UGT1A10: variants seen among roughly 807,000 people sequenced by gnomAD.
The protein encoded by UGT1A10 is UDP-glucuronosyltransferase 1A10.
In UGT1A10, 49 loss-of-function variants were observed where a neutral mutation model predicts 45.8. The ratio of observed to expected loss-of-function variants is 1.07; its 90% CI spans 0.85 to 1.36. The LOEUF (loss-of-function observed/expected upper bound fraction) is 1.36, where lower values mean the gene tolerates loss of function less well. Among genes scored for constraint, UGT1A10 ranks in the 40% most tolerant of loss-of-function variants. The probability of loss-of-function intolerance (pLI) is 0.00; values close to 1 mark genes in which losing one functional copy is unlikely to be tolerated. For synonymous variants in UGT1A10, 284 were observed against 249.7 expected (o/e 1.14, Z -1.29); for missense variants, 745 against 668.6 (o/e 1.11, Z -1.26).
At chr2:233,689,578 A>G (rs1275772555) in intron 1 of UGT1A10, among the ~76,000 whole-genome samples, 1 of 152,200 alleles carries the variant, frequency 6.6e-6, no homozygotes, top group African/African-American at 2.4e-5. Flanking sequence ...CTGATTTGCA[A>G]TTAGCTAAGG....
At chr2:233,650,507 T>C (rs1194454702) in intron 1 of UGT1A10, among the ~76,000 whole-genome samples, 1 of 152,222 alleles carries the variant, frequency 6.6e-6, no homozygotes, top group Admixed American at 6.5e-5. Flanking sequence ...TCCTTGCAAA[T>C]TGGTATGGAT....
intron 1 of UGT1A10, among the ~76,000 whole-genome samples, chr2:233,695,935 A>C (rs1408242527): frequency 6.6e-6 from 1 of 152,176 alleles, no homozygotes; most frequent in Non-Finnish European, 1.5e-5. Context: ...CAAGCAGGCA[A>C]TTCTGCCAGA....
chr2:233,690,681 C>T (rs533534130), intron 1 of UGT1A10: 1 of 1,259,556 alleles, frequency 7.9e-7, no homozygotes, highest in Admixed American at 2.8e-5. Context: ...CCTGGGTCTC[C>T]AGCGGAGCTA....
At chr2:233,732,132 GT>G (rs869109259) in intron 1 of UGT1A10, among the ~76,000 whole-genome samples, 1 of 57,612 alleles carries the variant, frequency 1.7e-5, no homozygotes, top group African/African-American at 9.7e-5. Context: ...TGATGAGGTT[GT>G]TTGTTTGTTT....
At chr2:233,671,920 A>G in intron 1 of UGT1A10, 1 of 1,593,910 alleles carries the variant, frequency 6.3e-7, no homozygotes, top group Non-Finnish European at 8.5e-7. Context: ...GCTTGCTCTC[A>G]GCTGCAGTTC....
chr2:233,771,399 T>C (rs972051776), intron 4 of UGT1A10: 1 of 152,180 alleles, frequency 6.6e-6, no homozygotes, highest in African/African-American at 2.4e-5. Flanking sequence ...GATTGGGCAA[T>C]GAACACTGTC....
At chr2:233,689,838 T>C (rs1230094386) in intron 1 of UGT1A10, 1 of 453,770 alleles carries the variant, frequency 2.2e-6, no homozygotes, top group Non-Finnish European at 4.4e-6. Context: ...CTAACTTTCT[T>C]GGATATTGTT....
intron 1 of UGT1A10, among the ~76,000 whole-genome samples, chr2:233,650,491 A>G (rs2073712304): frequency 6.6e-6 from 1 of 152,168 alleles, no homozygotes; most frequent in African/African-American, 2.4e-5. Flanking sequence ...AGCAAGATGA[A>G]TTGTTTCCTT....
chr2:233,747,735 A>C, intron 1 of UGT1A10: 1 of 1,613,360 alleles, frequency 6.2e-7, no homozygotes, highest in Non-Finnish European at 8.5e-7. Flanking sequence ...TTTTTTGAGG[A>C]ACATTCCATG....
chr2:233,730,485 A>C (rs879945186), intron 1 of UGT1A10, among the ~76,000 whole-genome samples: 5 of 152,208 alleles, frequency 3.3e-5, no homozygotes, highest in Non-Finnish European at 7.3e-5. Context: ...CTCACATGAA[A>C]TAGAAGTGTC....
intron 1 of UGT1A10, chr2:233,761,219 T>C: frequency 6.2e-7 from 1 of 1,613,544 alleles, no homozygotes; most frequent in South Asian, 1.1e-5. Flanking sequence ...ATCGATTAAC[T>C]AGCCCCAGAT....
At chr2:233,638,839 C>T (rs1559319782) in intron 1 of UGT1A10, among the ~76,000 whole-genome samples, 2 of 152,174 alleles carry the variant, frequency 1.3e-5, no homozygotes, top group East Asian at 3.8e-4. Context: ...AGGAAGACTA[C>T]AGTTGTAGGC....
intron 1 of UGT1A10, among the ~76,000 whole-genome samples, chr2:233,712,602 A>G (rs998294474): frequency 6.6e-6 from 1 of 152,190 alleles, no homozygotes; most frequent in African/African-American, 2.4e-5. Context: ...ATGGTTGGGG[A>G]CTAGGGCAAT....
chr2:233,646,223 G>A (rs1302389009), intron 1 of UGT1A10, among the ~76,000 whole-genome samples: 5 of 152,172 alleles, frequency 3.3e-5, no homozygotes, highest in African/African-American at 1.2e-4. Context: ...ACAGCAGGGG[G>A]CCCTGGGCCT....
At chr2:233,767,478 T>C (rs1699401505) in intron 2 of UGT1A10, among the ~76,000 whole-genome samples, 1 of 152,246 alleles carries the variant, frequency 6.6e-6, no homozygotes, top group Admixed American at 6.5e-5. Flanking sequence ...TCATATTAAA[T>C]AGAAGTATTT....
At chr2:233,699,547 G>A (rs2075511993) in intron 1 of UGT1A10, among the ~76,000 whole-genome samples, 1 of 152,188 alleles carries the variant, frequency 6.6e-6, no homozygotes, top group African/African-American at 2.4e-5. Context: ...ACATCATAGA[G>A]CCAGGTCATG....
chr2:233,661,763 C>T (rs1471942267), intron 1 of UGT1A10, among the ~76,000 whole-genome samples: 7 of 149,258 alleles, frequency 4.7e-5, no homozygotes, highest in Non-Finnish European at 7.4e-5. Context: ...ACCTATGGTA[C>T]ATATCAAGCA....
chr2:233,722,502 G>A (rs773612729), intron 1 of UGT1A10, among the ~76,000 whole-genome samples: 5 of 152,056 alleles, frequency 3.3e-5, no homozygotes, highest in African/African-American at 9.7e-5. Context: ...TTTCCGTTTC[G>A]TTAATTGCAG....
rs529563376 is a variant in UGT1A10 at position 233,636,457 on chromosome 2, C to G, written c.-66C>G. On this transcript the variant is annotated 5_prime_UTR_variant, in exon 1 of 5. Transcript: ENST00000344644. ...ATTGGGGTCAGGTTTTGTGCCTGTA[C>G]TTCTTCCGCCTACTGTATCATAGCA... is the stretch of plus-strand genomic sequence containing the variant. The G allele has an allele frequency of 1.7e-4, 257 of 1,544,658 alleles. No individual in the cohort carries two copies. The highest frequency in any genetic ancestry group is 1.1e-3 in the Middle Eastern group (6 of 5,668).
Sources: allele counts gnomAD v4.1 joint callset (sites outside exome capture counted in the v4.1 genomes callset), GRCh38; gene constraint gnomAD v4.1.1; transcripts MANE v1.5; gene names NCBI Gene and HGNC (gene_info 2026-07-23, HGNC 2026-07-21).